The following ZNRF1 variants were observed in gnomAD, a reference collection of about 807,000 sequenced individuals.
ZNRF1 encodes the protein E3 ubiquitin-protein ligase ZNRF1.
Under a neutral mutation model 18.4 loss-of-function variants are expected in ZNRF1, and 3 were observed. The ratio of observed to expected loss-of-function variants is 0.16; its 90% CI spans 0.07 to 0.42. ZNRF1 has a LOEUF of 0.42. Among genes scored for constraint, ZNRF1 ranks in the 10% least tolerant of loss-of-function variants. ZNRF1 has a pLI of 0.99. For synonymous variants in ZNRF1, 157 were observed against 144.2 expected (o/e 1.09, Z -0.64); for missense variants, 310 against 329.8 (o/e 0.94, Z 0.47).
At chr16:75,019,097 C>T (rs377116322) in intron 1 of ZNRF1, among the ~76,000 whole-genome samples, 3 of 152,180 alleles carry the variant, frequency 2.0e-5, no homozygotes, top group East Asian at 1.9e-4. Flanking sequence ...ACCCAGGAGG[C>T]GGAGGTTGCA....
At chr16:75,059,094 A>G (rs1456066667) in intron 1 of ZNRF1, among the ~76,000 whole-genome samples, 1 of 152,122 alleles carries the variant, frequency 6.6e-6, no homozygotes, top group East Asian at 1.9e-4. Context: ...ACTGCCAACC[A>G]TCCGGACTGT....
chr16:75,067,567 A>G (rs1413070418), intron 1 of ZNRF1, among the ~76,000 whole-genome samples: 1 of 152,226 alleles, frequency 6.6e-6, no homozygotes, highest in Non-Finnish European at 1.5e-5. Flanking sequence ...TTAAGCTTCT[A>G]AGCCATAGTA....
intron 1 of ZNRF1, among the ~76,000 whole-genome samples, chr16:75,015,783 A>T (rs1312835405): frequency 6.6e-6 from 1 of 152,180 alleles, no homozygotes; most frequent in African/African-American, 2.4e-5. Context: ...CGTGAGCCAC[A>T]GCTCCCAGCC....
intron 1 of ZNRF1, among the ~76,000 whole-genome samples, chr16:75,064,116 T>C (rs1221901002): frequency 6.6e-6 from 1 of 151,666 alleles, no homozygotes; most frequent in Non-Finnish European, 1.5e-5. Flanking sequence ...CTGGGGAACA[T>C]GGTGAAACCC....
intron 2 of ZNRF1, among the ~76,000 whole-genome samples, chr16:75,099,424 C>T (rs1488030481): frequency 6.6e-6 from 1 of 152,168 alleles, no homozygotes; most frequent in East Asian, 1.9e-4. Context: ...ATCCCTCCCT[C>T]CTGTTTCAGC....
At chr16:75,026,675 C>T (rs1214835678) in intron 1 of ZNRF1, among the ~76,000 whole-genome samples, 1 of 152,230 alleles carries the variant, frequency 6.6e-6, no homozygotes, top group Non-Finnish European at 1.5e-5. Context: ...GTGGCTCACC[C>T]CTGTAATCCC....
chr16:75,048,049 C>A (rs1285579545), intron 1 of ZNRF1, among the ~76,000 whole-genome samples: 1 of 151,916 alleles, frequency 6.6e-6, no homozygotes, highest in African/African-American at 2.4e-5. Flanking sequence ...CCTCCCCAGG[C>A]TCAGGGGATC....
At chr16:75,016,218 C>T (rs757944591) in intron 1 of ZNRF1, among the ~76,000 whole-genome samples, 7 of 151,650 alleles carry the variant, frequency 4.6e-5, no homozygotes, top group Non-Finnish European at 8.8e-5. Context: ...CCACCGCGCC[C>T]GGCCGCTAAT....
chr16:75,102,689 T>TG (rs894391457), intron 2 of ZNRF1, among the ~76,000 whole-genome samples: 2 of 152,226 alleles, frequency 1.3e-5, no homozygotes, highest in African/African-American at 4.8e-5. Flanking sequence ...CCCACATCCA[T>TG]GCCTGGCACC....
At chr16:75,052,526 A>G (rs1366564992) in intron 1 of ZNRF1, among the ~76,000 whole-genome samples, 1 of 152,174 alleles carries the variant, frequency 6.6e-6, no homozygotes, top group African/African-American at 2.4e-5. Flanking sequence ...GATTTTGACC[A>G]CTACCCTTTT....
chr16:75,028,165 G>C (rs911362688), intron 1 of ZNRF1, among the ~76,000 whole-genome samples: 2 of 152,062 alleles, frequency 1.3e-5, no homozygotes, highest in African/African-American at 4.8e-5. Context: ...AAATATTACC[G>C]CTCTAGTGGT....
intron 1 of ZNRF1, among the ~76,000 whole-genome samples, chr16:75,062,567 C>T (rs1448507002): frequency 6.6e-6 from 1 of 152,262 alleles, no homozygotes; most frequent in Non-Finnish European, 1.5e-5. Context: ...AGCAGGATCA[C>T]CCGGGAGGAG....
At position 75,103,510 on chromosome 16, in the gene ZNRF1, C is replaced by T. The variant is rs904564004; in HGVS notation, c.521-1274C>T. The stretch of plus-strand genomic sequence containing the variant: ...AGACTAGTGGTGGCCAGGGGCTGGG[C>T]GGGGGGAAGGGGAGTGGTGGATTAA... On this transcript the variant is annotated intron_variant, in intron 2 of 4. Coordinates refer to ENST00000335325, the MANE Select transcript of ZNRF1 (RefSeq NM_032268.5). Among the ~76,000 whole-genome samples, 7 of 151,478 alleles carry T rather than the reference C, an allele frequency of 4.6e-5. No homozygotes were observed. The South Asian group carries it at 6.3e-4, about 14-fold the overall frequency.
chr16:75,031,424 G>A (rs904828097), intron 1 of ZNRF1, among the ~76,000 whole-genome samples: 12 of 152,116 alleles, frequency 7.9e-5, no homozygotes, highest in South Asian at 6.2e-4. Context: ...CACCGTGCCC[G>A]GCCATGTCCA....
intron 1 of ZNRF1, among the ~76,000 whole-genome samples, chr16:75,072,345 C>T (rs563781040): frequency 2.0e-5 from 3 of 152,284 alleles, no homozygotes; most frequent in African/African-American, 7.2e-5. Flanking sequence ...TCACCCCAAC[C>T]CACTGGCCCC....
chr16:75,095,619 G>C, intron 2 of ZNRF1: 1 of 1,549,386 alleles, frequency 6.5e-7, no homozygotes, highest in Non-Finnish European at 8.7e-7. Flanking sequence ...AGAAGCCTCA[G>C]AGGGGCTCAG....
chr16:75,027,147 T>C (rs913910654), intron 1 of ZNRF1, among the ~76,000 whole-genome samples: 1 of 151,904 alleles, frequency 6.6e-6, no homozygotes, highest in South Asian at 2.1e-4. Flanking sequence ...GGCTCCTTCC[T>C]GTAATCCCAG....
chr16:75,021,707 C>T (rs908226026), intron 1 of ZNRF1, among the ~76,000 whole-genome samples: 2 of 152,172 alleles, frequency 1.3e-5, no homozygotes, highest in African/African-American at 4.8e-5. Context: ...GTCTTCTCAA[C>T]TCTTAGAGTT....
intron 1 of ZNRF1, among the ~76,000 whole-genome samples, chr16:75,044,463 G>A (rs2035488375): frequency 1.3e-5 from 2 of 152,022 alleles, no homozygotes; most frequent in African/African-American, 4.8e-5. Flanking sequence ...CTGATCTCAA[G>A]TGATCTGCCT....
Sources: gnomAD v4.1 joint callset for allele counts (sites outside exome capture counted in the v4.1 genomes callset) on GRCh38, gnomAD v4.1.1 for gene constraint, MANE v1.5 for transcripts, NCBI Gene and HGNC (gene_info 2026-07-23, HGNC 2026-07-21) for gene names.